NTM: variants seen among roughly 807,000 people sequenced by gnomAD.
The protein encoded by NTM is neurotrimin, also known as IgLON family member 2.
A neutral mutation model predicts 42.1 loss-of-function variants in NTM; 13 were observed. The observed-to-expected ratio is 0.31, with a 90% CI of 0.20 to 0.49. The LOEUF is 0.49. Ranked by LOEUF, NTM falls within the 20% of genes least tolerant of loss-of-function variation. The pLI is 0.99. For missense variants in NTM, 373 were observed against 452.8 expected, an observed-to-expected ratio of 0.82 and a Z score of 1.60; for synonymous variants, 187 against 179.2, an observed-to-expected ratio of 1.04 and a Z score of -0.35.
chr11:132,253,450 GA>G (rs34158677), intron 4 of NTM, among the ~76,000 whole-genome samples: 70,501 of 151,896 alleles, frequency 0.46, 16,656 homozygotes, highest in Middle Eastern at 0.53. Flanking sequence ...AAATGGGGCA[GA>G]TTTCAAAAAA....
At chr11:131,825,589 G>A (rs762924279) in intron 1 of NTM, among the ~76,000 whole-genome samples, 5 of 152,180 alleles carry the variant, frequency 3.3e-5, no homozygotes, top group Non-Finnish European at 5.9e-5. Flanking sequence ...TGTATGGGAA[G>A]GTTGGGTGTG....
In NTM at chr11:131,725,556, A is replaced by T. The variant is rs145083629; in HGVS notation, c.83-186008A>T. The stretch of plus-strand genomic sequence containing the variant: ...CATCCCAGGCAGAGGAGGCAGCCCC[A>T]AAAAGGTGTTGAGTTAGAAGGAAAA... On this transcript the variant is annotated intron_variant, in intron 1 of 8. Transcript: ENST00000683400. 3.3e-5 allele frequency among the ~76,000 whole-genome samples: 5 copies of T among 152,236 alleles called. No homozygotes were observed. The East Asian group carries it at 9.7e-4, about 30-fold the overall frequency.
At chr11:132,267,466 G>A (rs1456057375) in intron 4 of NTM, among the ~76,000 whole-genome samples, 1 of 130,094 alleles carries the variant, frequency 7.7e-6, no homozygotes, top group Admixed American at 8.7e-5. Context: ...CCCTTATCTT[G>A]GGTTCTTGGA....
chr11:132,128,329 G>A (rs2066204071), intron 2 of NTM, among the ~76,000 whole-genome samples: 1 of 152,012 alleles, frequency 6.6e-6, no homozygotes, highest in South Asian at 2.1e-4. Flanking sequence ...TACAGATAAT[G>A]AATGTCTTTT....
intron 1 of NTM, among the ~76,000 whole-genome samples, chr11:131,564,504 T>A (rs952661976): frequency 8.7e-5 from 13 of 149,358 alleles, no homozygotes; most frequent in Non-Finnish European, 1.6e-4. Context: ...TCTTTTTCAA[T>A]TTTTTTTTTA....
At chr11:132,174,502 G>C (rs942479631) in intron 3 of NTM, among the ~76,000 whole-genome samples, 1 of 152,220 alleles carries the variant, frequency 6.6e-6, no homozygotes, top group African/African-American at 2.4e-5. Context: ...CATGGACTCA[G>C]TATGCTGGGT....
At chr11:131,381,996 C>G (rs754149443) in intron 1 of NTM, among the ~76,000 whole-genome samples, 1 of 152,226 alleles carries the variant, frequency 6.6e-6, no homozygotes, top group South Asian at 2.1e-4. Context: ...CTTTGCAATT[C>G]TGGCAGGCAT....
chr11:131,956,655 C>T (rs1565821212), intron 2 of NTM, among the ~76,000 whole-genome samples: 3 of 151,382 alleles, frequency 2.0e-5, no homozygotes, highest in Admixed American at 1.3e-4. Context: ...CTGCATGGAC[C>T]CTTCCCTTTC....
At chr11:131,985,632 G>T (rs987628281) in intron 2 of NTM, among the ~76,000 whole-genome samples, 9 of 152,136 alleles carry the variant, frequency 5.9e-5, no homozygotes, top group African/African-American at 2.2e-4. Flanking sequence ...TGGGGTAAGG[G>T]GAGAGCACGC....
intron 1 of NTM, chr11:131,796,131 A>G (rs2091529630): frequency 2.0e-6 from 2 of 985,314 alleles, no homozygotes; most frequent in Admixed American, 6.1e-5. Context: ...CAGGAAGTTG[A>G]AGGACTGGAA....
chr11:131,835,511 G>A (rs764461839), intron 1 of NTM, among the ~76,000 whole-genome samples: 2 of 152,064 alleles, frequency 1.3e-5, no homozygotes, highest in Non-Finnish European at 2.9e-5. Context: ...AATCATTAGA[G>A]AAATGTAAGT....
rs1277990853 is a variant in NTM, at chr11:131,891,314, T to C, written c.83-20250T>C. ...CTCCATGGAAGGGTTGCGGGGGCAGTCAGTCGAAGCGTGTCTTGAGGGGTG... is the reference window on the plus strand; with the variant it reads ...CTCCATGGAAGGGTTGCGGGGGCAGCCAGTCGAAGCGTGTCTTGAGGGGTG... On this transcript the variant is annotated intron_variant, in intron 1 of 8. Coordinates refer to ENST00000683400, the MANE Select transcript of NTM (RefSeq NM_001352005.2). Among the ~76,000 whole-genome samples the C allele has an allele frequency of 2.6e-5, 4 of 152,166 alleles. No individual in the cohort carries two copies. In the South Asian group the frequency reaches 6.2e-4, roughly 24 times the overall value.
chr11:131,742,491 T>C (rs2081316561), intron 1 of NTM, among the ~76,000 whole-genome samples: 1 of 152,224 alleles, frequency 6.6e-6, no homozygotes, highest in African/African-American at 2.4e-5. Context: ...AAATATCATT[T>C]GGTATTTGTA....
intron 1 of NTM, among the ~76,000 whole-genome samples, chr11:131,811,760 T>TATGTGAGGGG (rs1186329432): frequency 1.1e-4 from 16 of 152,060 alleles, no homozygotes; most frequent in Non-Finnish European, 1.5e-4. Context: ...ACAGCATTGG[T>TATGTGAGGGG]ATGTGAGGGG....
At chr11:131,768,970 G>A (rs1565523881) in intron 1 of NTM, among the ~76,000 whole-genome samples, 1 of 152,184 alleles carries the variant, frequency 6.6e-6, no homozygotes, top group Non-Finnish European at 1.5e-5. Context: ...TGATTTAAGT[G>A]CTATTGATAT....
intron 1 of NTM, among the ~76,000 whole-genome samples, chr11:131,657,135 C>G (rs2067294836): frequency 8.2e-6 from 1 of 121,386 alleles, no homozygotes; most frequent in Non-Finnish European, 1.7e-5. Context: ...TACAATGGCC[C>G]TATGAAGACC....
intron 1 of NTM, among the ~76,000 whole-genome samples, chr11:131,403,143 C>T (rs1209346444): frequency 1.3e-5 from 2 of 152,104 alleles, no homozygotes; most frequent in Non-Finnish European, 2.9e-5. Context: ...GAGGAGACAC[C>T]GTTTACTTAC....
At chr11:131,690,812 T>C (rs1194628782) in intron 1 of NTM, among the ~76,000 whole-genome samples, 2 of 152,212 alleles carry the variant, frequency 1.3e-5, no homozygotes, top group African/African-American at 4.8e-5. Context: ...AGAGCCAGCC[T>C]GAGGCACACG....
At chr11:132,086,661 G>A (rs1793628) in intron 2 of NTM, among the ~76,000 whole-genome samples, 103,530 of 152,138 alleles carry the variant, frequency 0.68, 36,603 homozygotes, top group African/African-American at 0.85. Context: ...GCCCAGTCTC[G>A]TATATTCTTT....
Sources: allele counts gnomAD v4.1 joint callset (sites outside exome capture counted in the v4.1 genomes callset), GRCh38; gene constraint gnomAD v4.1.1; transcripts MANE v1.5; gene names NCBI Gene and HGNC (gene_info 2026-07-23, HGNC 2026-07-21).